The following OSBPL8 variants were observed in gnomAD, a reference collection of about 807,000 sequenced individuals.
OSBPL8 encodes the protein oxysterol binding protein like 8.
OSBPL8 carries 59 observed loss-of-function variants against 125.5 expected under a neutral mutation model. That is an observed-to-expected ratio of 0.47 (90% CI 0.38 to 0.58). The LOEUF (loss-of-function observed/expected upper bound fraction) is 0.58. Among genes scored for constraint, OSBPL8 ranks in the 20% least tolerant of loss-of-function variants. The pLI is 0.00. For synonymous variants in OSBPL8, 330 were observed against 338.9 expected, an observed-to-expected ratio of 0.97 and a Z score of 0.29; for missense variants, 758 against 1,047.8, an observed-to-expected ratio of 0.72 and a Z score of 3.82.
At chr12:76,386,549 AGAC>A in intron 13 of OSBPL8, 27 bp downstream of exon 13, 1 of 1,525,874 alleles carries the variant, frequency 6.6e-7, no homozygotes, top group Non-Finnish European at 9.0e-7. Flanking sequence ...AAAACACTAA[AGAC>A]AATAAAATGT....
At chr12:76,392,380 C>T (rs1018227423) in intron 10 of OSBPL8, among the ~76,000 whole-genome samples, 8 of 151,862 alleles carry the variant, frequency 5.3e-5, no homozygotes, top group South Asian at 2.1e-4. Flanking sequence ...AAGTAAATCA[C>T]GTTGGCTGGA....
intron 4 of OSBPL8, among the ~76,000 whole-genome samples, chr12:76,425,133 A>G (rs1012677602): frequency 1.3e-5 from 2 of 152,206 alleles, no homozygotes; most frequent in African/African-American, 4.8e-5. Context: ...AATCTTCAAA[A>G]TATGAAAGAA....
At chr12:76,368,596 C>G (rs1952506250) in intron 21 of OSBPL8, among the ~76,000 whole-genome samples, 1 of 151,982 alleles carries the variant, frequency 6.6e-6, no homozygotes, top group African/African-American at 2.4e-5. Flanking sequence ...ATTTTTCTTT[C>G]TCCTCCTCAG....
chr12:76,375,497 G>A, intron 16 of OSBPL8, 127 bp from the exon 17 acceptor site: 1 of 612,048 alleles, frequency 1.6e-6, no homozygotes, highest in Non-Finnish European at 2.8e-6. Context: ...CCACTCAAAT[G>A]AAAAACTATA....
intron 1 of OSBPL8, among the ~76,000 whole-genome samples, chr12:76,519,001 A>T (rs73385545): frequency 0.088 from 13,442 of 152,118 alleles, 675 homozygotes; most frequent in Admixed American, 0.12. Flanking sequence ...CATGCTAATC[A>T]CTCTAGCAAG....
intron 1 of OSBPL8, among the ~76,000 whole-genome samples, chr12:76,514,520 T>C (rs1166899108): frequency 6.6e-6 from 1 of 152,130 alleles, no homozygotes; most frequent in Non-Finnish European, 1.5e-5. Flanking sequence ...GCTTGTAGGG[T>C]TTCAGCTGAG....
rs893830380 is a variant in OSBPL8, at chr12:76,358,760, C to T, written c.2380G>A (p.Ala794Thr). The change falls in exon 22 of 24, where the codon GCA (alanine) becomes ACA (threonine). Residue 794 changes from alanine (A) to threonine (T), a missense_variant. Physicochemically the swap from Ala to Thr is moderately conservative, Grantham distance 58 (BLOSUM62 0). This residue lies in a region of OSBPL8 where 572 missense variants were observed against 762.0 expected (regional missense o/e 0.75). Transcript: ENST00000261183. ...GGTTCTGGGGAGGAATAGCCTTTTG[C>T]TACTTTCTTCTGTTGCCTGGTTGGC... Reference protein sequence around the residue: ...HKPTRQQKKVAKGYSSPEPDI... With the variant: ...HKPTRQQKKVTKGYSSPEPDI... The T allele has an allele frequency of 6.2e-7, 1 of 1,614,062 alleles. No individual in the cohort carries two copies. The highest frequency in any genetic ancestry group is 8.5e-7 in the Non-Finnish European group (1 of 1,179,978).
At chr12:76,530,811 A>C (rs1228128945) in intron 1 of OSBPL8, among the ~76,000 whole-genome samples, 1 of 152,200 alleles carries the variant, frequency 6.6e-6, no homozygotes, top group Non-Finnish European at 1.5e-5. Flanking sequence ...AGTATAATAA[A>C]GCAATAAAGG....
At chr12:76,413,803 TTATTA>T (rs1397741555) in intron 4 of OSBPL8, among the ~76,000 whole-genome samples, 1 of 152,306 alleles carries the variant, frequency 6.6e-6, no homozygotes, top group South Asian at 2.1e-4. Context: ...CTATCTTTTC[TTATTA>T]TATAAGAATT....
intron 15 of OSBPL8, among the ~76,000 whole-genome samples, chr12:76,381,843 T>C (rs1487978947): frequency 1.3e-5 from 2 of 152,098 alleles, no homozygotes; most frequent in Non-Finnish European, 2.9e-5. Flanking sequence ...CAAGTGATTC[T>C]CCTGCCTTAG....
At chr12:76,452,087 A>T (rs1393779650) in intron 3 of OSBPL8, among the ~76,000 whole-genome samples, 1 of 152,132 alleles carries the variant, frequency 6.6e-6, no homozygotes, top group African/African-American at 2.4e-5. Flanking sequence ...ATTGCACTCC[A>T]GCCTGGGCAA....
At position 76,353,859 on chromosome 12, in the gene OSBPL8, A is replaced by C. The variant is rs991523219; in HGVS notation, c.*2030T>G. On this transcript the variant is annotated 3_prime_UTR_variant, in exon 24 of 24. Transcript: ENST00000261183. Reference sequence around the variant, plus strand: ...AACATTTGCTCTAAAAAGAAATTTTAAAAATAAAGAACACAACTACCTATT... The same window carrying C: ...AACATTTGCTCTAAAAAGAAATTTTCAAAATAAAGAACACAACTACCTATT... The C allele has an allele frequency of 2.0e-5, 3 of 152,528 alleles. No individual in the cohort carries two copies. The highest frequency in any genetic ancestry group is 3.4e-3 in the Middle Eastern group (1 of 294). The allele number at this position is 152,528 out of a possible 1,614,324, so 9.4% of individuals were successfully genotyped here. A position where few individuals can be genotyped will look rare whatever the true frequency, so the allele number is the denominator to read the frequency against.
At chr12:76,538,544 G>A (rs754084255) in intron 1 of OSBPL8, among the ~76,000 whole-genome samples, 1 of 152,110 alleles carries the variant, frequency 6.6e-6, no homozygotes, top group Non-Finnish European at 1.5e-5. Context: ...ATGATTAAAG[G>A]GATGACAGGC....
intron 21 of OSBPL8, among the ~76,000 whole-genome samples, chr12:76,366,905 T>C (rs1952437105): frequency 6.6e-6 from 1 of 152,142 alleles, no homozygotes; most frequent in Non-Finnish European, 1.5e-5. Flanking sequence ...CACATGATTC[T>C]CATGCCTCAA....
Position 76,386,609 on chromosome 12 carries a change from C to A in OSBPL8, c.1404G>T (p.Trp468Cys). Reference protein sequence around the residue: ...PYFRLKKVVKWYLSGFYKKPK... With the variant: ...PYFRLKKVVKCYLSGFYKKPK... ...GCTTTTTATAGAATCCTGACAAATA[C>A]CATTTCACTACTTTCTTCAAACGGA... The change falls in exon 13 of 24, where the codon TGG (tryptophan) becomes TGT (cysteine). Residue 468 changes from tryptophan (W) to cysteine (C), a missense_variant. Trp to Cys is a radical substitution (Grantham distance 215). This residue lies in a region of OSBPL8 where 572 missense variants were observed against 762.0 expected (regional missense o/e 0.75). Coordinates refer to ENST00000261183, the MANE Select transcript of OSBPL8 (RefSeq NM_020841.5). 1.9e-6 allele frequency: 3 copies of A among 1,608,256 alleles called. No individual in the cohort carries two copies. In the African/African-American group the frequency reaches 4.0e-5, roughly 21 times the overall value.
intron 15 of OSBPL8, among the ~76,000 whole-genome samples, chr12:76,383,685 A>C (rs993181172): frequency 6.6e-6 from 1 of 152,194 alleles, no homozygotes; most frequent in Non-Finnish European, 1.5e-5. Context: ...ACTATATAAA[A>C]GCATTTTAAG....
At chr12:76,407,218 A>G (rs940962466) in intron 5 of OSBPL8, among the ~76,000 whole-genome samples, 3 of 152,216 alleles carry the variant, frequency 2.0e-5, no homozygotes, top group Non-Finnish European at 4.4e-5. Context: ...ACTGTTCTGA[A>G]AAACAAGAGA....
At chr12:76,356,559 C>T in intron 23 of OSBPL8, 67 bp downstream of exon 23, 1 of 965,864 alleles carries the variant, frequency 1.0e-6, no homozygotes, top group Non-Finnish European at 1.6e-6. Flanking sequence ...CATATGATTT[C>T]CCATATAACA....
intron 1 of OSBPL8, among the ~76,000 whole-genome samples, chr12:76,549,317 T>A (rs954208826): frequency 1.3e-5 from 2 of 152,178 alleles, no homozygotes; most frequent in Non-Finnish European, 2.9e-5. Flanking sequence ...TACACCTCAT[T>A]ATGACTTTGT....
Sources: gnomAD v4.1 joint callset for allele counts (sites outside exome capture counted in the v4.1 genomes callset) on GRCh38, gnomAD v4.1.1 for gene constraint, gnomAD v4.1.1 regional missense constraint, MANE v1.5 for transcripts, NCBI Gene and HGNC (gene_info 2026-07-23, HGNC 2026-07-21) for gene names.